Variants in DDX31 observed in about 807,000 individuals in gnomAD.
DDX31 encodes the protein DEAD-box helicase 31, also known as ATP-dependent DNA helicase DDX31.
DDX31 carries 70 observed loss-of-function variants against 91.3 expected under a neutral mutation model. The ratio of observed to expected loss-of-function variants is 0.77; its 90% CI spans 0.63 to 0.94. The LOEUF (loss-of-function observed/expected upper bound fraction) is 0.94. Among genes scored for constraint, DDX31 ranks in the 40% least tolerant of loss-of-function variants. The pLI is 0.00. For missense variants in DDX31, 902 were observed against 925.0 expected (o/e 0.98, Z 0.32); for synonymous variants, 362 against 350.6 (o/e 1.03, Z -0.36).
rs368934759 is a variant in DDX31, at chr9:132,640,783, T to C, written c.1440+1221A>G. On this transcript the variant is annotated intron_variant, in intron 14 of 19. Coordinates refer to ENST00000372159, the MANE Select transcript of DDX31 (RefSeq NM_022779.9). Reference sequence around the variant, plus strand: ...TCGGCCTCCCAAAGTGGTGGGCTGGTAGGCATGAACCATCACACCTGGCCC... The same window carrying C: ...TCGGCCTCCCAAAGTGGTGGGCTGGCAGGCATGAACCATCACACCTGGCCC... Among the ~76,000 whole-genome samples the C allele has an allele frequency of 1.1e-4, 17 of 152,314 alleles. 1 individual carries two copies. The South Asian group carries it at 2.9e-3, about 26-fold the overall frequency.
Position 132,595,937 on chromosome 9 carries a change from C to T in DDX31, c.1995-825G>A, listed in dbSNP as rs894140918. Among the ~76,000 whole-genome samples the T allele has an allele frequency of 2.0e-5, 3 of 152,182 alleles. No individual in the cohort carries two copies. The highest frequency in any genetic ancestry group is 7.2e-5 in the African/African-American group (3 of 41,442). ...GGAAATTTGTAGATGTTCAATCATACATAAGAAGAATGATTATGAAAACTG... is the reference window on the plus strand; with the variant it reads ...GGAAATTTGTAGATGTTCAATCATATATAAGAAGAATGATTATGAAAACTG... On this transcript the variant is annotated intron_variant, in intron 19 of 19. Transcript: ENST00000372159. This position sits in a 1 kb window ranked among gnomAD's most constrained non-coding sequence, Gnocchi z 4.6.
chr9:132,619,683 TC>T (rs1313945908), intron 17 of DDX31, among the ~76,000 whole-genome samples: 3 of 151,948 alleles, frequency 2.0e-5, no homozygotes, highest in East Asian at 3.9e-4. Context: ...CAATACAAGG[TC>T]CCCCTAAGGG....
At chr9:132,658,879 G>A (rs956427987) in intron 5 of DDX31, 144 bp from the exon 6 acceptor site, 2 of 688,738 alleles carry the variant, frequency 2.9e-6, no homozygotes, top group Admixed American at 3.3e-5. Flanking sequence ...ATACATCCAA[G>A]AGAAGTGAAA....
chr9:132,668,872 C>T (rs1835503974), intron 1 of DDX31, among the ~76,000 whole-genome samples: 1 of 152,104 alleles, frequency 6.6e-6, no homozygotes, highest in African/African-American at 2.4e-5. Context: ...CCGGCCGCGG[C>T]TTGGTTTTAT....
At chr9:132,636,548 C>CACTGTGAGTCCAAACACAGCGCA (rs1165970331) in intron 14 of DDX31, among the ~76,000 whole-genome samples, 3 of 152,232 alleles carry the variant, frequency 2.0e-5, no homozygotes, top group Non-Finnish European at 4.4e-5. Context: ...TCATGAAACT[C>CACTGTGAGTCCAAACACAGCGCA]ACTGTGAGTC....
chr9:132,667,804 C>A (rs1020442517), intron 1 of DDX31, among the ~76,000 whole-genome samples: 1 of 152,200 alleles, frequency 6.6e-6, no homozygotes, highest in African/African-American at 2.4e-5. Context: ...ATGTAGCAAT[C>A]TATTATCCAA....
chr9:132,650,692 T>C (rs971024726), intron 8 of DDX31, among the ~76,000 whole-genome samples: 6 of 152,216 alleles, frequency 3.9e-5, no homozygotes, highest in Non-Finnish European at 8.8e-5. Context: ...GATGGATCAA[T>C]TCATGATCCA....
At chr9:132,635,688 A>G (rs1460055380) in intron 14 of DDX31, among the ~76,000 whole-genome samples, 1 of 151,314 alleles carries the variant, frequency 6.6e-6, no homozygotes, top group Non-Finnish European at 1.5e-5. Context: ...GCTCACACCT[A>G]TAATCCCAGC....
At chr9:132,633,145 C>T (rs866994523) in intron 14 of DDX31, among the ~76,000 whole-genome samples, 1 of 152,118 alleles carries the variant, frequency 6.6e-6, no homozygotes, top group Non-Finnish European at 1.5e-5. Context: ...GTATTTTGTT[C>T]GGGGACACAC....
rs1299824639 is a variant in DDX31 at position 132,595,130 on chromosome 9, C to A, written c.1995-18G>T. 1 of 1,596,620 alleles carries A rather than the reference C, an allele frequency of 6.3e-7. No homozygotes were observed. Among genetic ancestry groups the A allele is most frequent in the South Asian group, 1.1e-5 (1 of 89,784 alleles). On this transcript the variant is annotated intron_variant, in intron 19 of 19. Transcript: ENST00000372159. The surrounding 1 kb of genome is among the most constrained non-coding windows in gnomAD (Gnocchi z 4.6). ...GGTCAGGCCTGAAGAACAGTAACAG[C>A]AGAGAGGGAAAAGAAACTTTATTAT...
intron 17 of DDX31, among the ~76,000 whole-genome samples, chr9:132,624,166 C>CAAAA (rs4021852): frequency 1.5e-4 from 11 of 71,450 alleles, no homozygotes; most frequent in South Asian, 5.2e-4. Context: ...GACTCCGTCT[C>CAAAA]AAAAAAAAAA....
At chr9:132,652,401 A>C (rs779898718) in intron 7 of DDX31, 47 bp downstream of exon 7, 1 of 1,611,326 alleles carries the variant, frequency 6.2e-7, no homozygotes, top group South Asian at 1.1e-5. Context: ...ACGGGACATT[A>C]GTGAAAGCAT....
At chr9:132,651,621 A>G (rs1347221089) in intron 7 of DDX31, among the ~76,000 whole-genome samples, 1 of 152,238 alleles carries the variant, frequency 6.6e-6, no homozygotes, top group African/African-American at 2.4e-5. Context: ...CCTCAAGTTT[A>G]TATCAATAAA....
chr9:132,646,828 A>G lies in DDX31; in HGVS notation c.1198T>C (p.Cys400Arg), dbSNP rs942470166. ...GCTCTAGCCCACAGTCCCACCTTGC[A>G]TTTCTGAAGGATGAAGGCCGCTAGG... is the stretch of plus-strand genomic sequence containing the variant. ...VCLAAFILQKCKFEEDQKMVV... is the reference protein window; with the variant it reads ...VCLAAFILQKRKFEEDQKMVV... Residue 400 changes from cysteine (C) to arginine (R), a missense_variant, in exon 12 of 20, where the codon TGC becomes CGC. Physicochemically the swap from Cys to Arg is radical, Grantham distance 180. Transcript: ENST00000372159. 18 of 1,613,708 alleles carry G rather than the reference A, an allele frequency of 1.1e-5. No homozygotes were observed. In the African/African-American group the frequency reaches 2.0e-4, roughly 18 times the overall value.
At position 132,628,136 on chromosome 9, in the gene DDX31, C is replaced by T. The variant is rs117844915; in HGVS notation, c.1631+2128G>A. Reference sequence around the variant, plus strand: ...TGGGAAGAACAATGCATGACTGCAACGTAATAACCCAGATTCTGATGTCTG... The same window carrying T: ...TGGGAAGAACAATGCATGACTGCAATGTAATAACCCAGATTCTGATGTCTG... On this transcript the variant is annotated intron_variant, in intron 16 of 19. Transcript: ENST00000372159. Among the ~76,000 whole-genome samples the T allele has an allele frequency of 4.7e-3, 718 of 152,356 alleles. 2 individuals are homozygous for T. The highest frequency in any genetic ancestry group is 7.1e-3 in the Non-Finnish European group (481 of 68,038).
intron 15 of DDX31, among the ~76,000 whole-genome samples, chr9:132,630,720 T>C (rs1832669389): frequency 6.6e-6 from 1 of 152,272 alleles, no homozygotes; most frequent in Non-Finnish European, 1.5e-5. Context: ...TTCACTGTGG[T>C]GACTGGATGA....
chr9:132,631,223 A>G (rs1832699370), intron 15 of DDX31, among the ~76,000 whole-genome samples: 1 of 152,242 alleles, frequency 6.6e-6, no homozygotes. Flanking sequence ...GGCCAAGGTC[A>G]ATATAATGTA....
chr9:132,600,650 C>T (rs1830676738), intron 19 of DDX31, among the ~76,000 whole-genome samples: 1 of 151,888 alleles, frequency 6.6e-6, no homozygotes, highest in Non-Finnish European at 1.5e-5. Context: ...TGAAGGGCTT[C>T]ACCAGAGCCC....
At chr9:132,663,094 A>G in intron 1 of DDX31, 1 of 1,077,716 alleles carries the variant, frequency 9.3e-7, no homozygotes, top group Non-Finnish European at 1.3e-6. Context: ...ACCCAAGGAG[A>G]AAAGAGGGGT....
Sources: allele counts gnomAD v4.1 joint callset (sites outside exome capture counted in the v4.1 genomes callset), GRCh38; gene constraint gnomAD v4.1.1; non-coding constraint Gnocchi (gnomAD v3.1); transcripts MANE v1.5; gene names NCBI Gene and HGNC (gene_info 2026-07-23, HGNC 2026-07-21).